The following SPG7 variants were observed in gnomAD, a reference collection of about 807,000 sequenced individuals.
SPG7 encodes the protein mitochondrial inner membrane m-AAA protease component paraplegin.
Under a neutral mutation model 81.9 loss-of-function variants are expected in SPG7, and 103 were observed. The observed-to-expected ratio is 1.26, with a 90% CI of 1.07 to 1.48. The LOEUF (loss-of-function observed/expected upper bound fraction) is 1.48, where lower values mean the gene tolerates loss of function less well. SPG7 is among the 40% of genes most tolerant of loss of function. The pLI is 0.00. For synonymous variants in SPG7, 534 were observed against 444.2 expected (o/e 1.20, Z -2.54); for missense variants, 1,241 against 1,087.3 (o/e 1.14, Z -1.99).
chr16:89,553,154 G>T lies in SPG7; in HGVS notation c.1936+19G>T. ...ACTTCTGGTGAGGAGCAGCGGCGCG[G>T]GCCCTGGAGGTTTCAGAGCGCTTTT... On this transcript the variant is annotated intron_variant, in intron 14 of 16. Coordinates refer to ENST00000645818, the MANE Select transcript of SPG7 (RefSeq NM_003119.4). 6.3e-7 allele frequency: 1 copy of T among 1,581,502 alleles called. No homozygotes were observed. The highest frequency in any genetic ancestry group is 8.6e-7 in the Non-Finnish European group (1 of 1,163,778).
At chr16:89,527,692 C>G (rs140580708) in intron 5 of SPG7, among the ~76,000 whole-genome samples, 2,154 of 152,236 alleles carry the variant, frequency 0.014, 22 homozygotes, top group Non-Finnish European at 0.024. Flanking sequence ...CTGACAGGTT[C>G]CTTAGTAGGA....
intron 7 of SPG7, chr16:89,531,668 C>T: frequency 1.8e-6 from 1 of 552,566 alleles, no homozygotes; most frequent in South Asian, 2.0e-5. Context: ...GCCACCGCAC[C>T]TGGCCTGCAA....
intron 10 of SPG7, chr16:89,546,181 G>A: frequency 3.3e-6 from 1 of 300,430 alleles, no homozygotes; most frequent in South Asian, 2.9e-5. Context: ...CCATCTCCCA[G>A]GTTCAAGTGA....
At chr16:89,547,699 G>T in intron 11 of SPG7, 1 of 385,822 alleles carries the variant, frequency 2.6e-6, no homozygotes, top group Admixed American at 3.8e-5. Flanking sequence ...CGCAGCCTCC[G>T]CCTCCTGGGT....
intron 12 of SPG7, 106 bp from the exon 13 acceptor site, chr16:89,550,388 G>T (rs529540708): frequency 1.6e-5 from 13 of 799,688 alleles, no homozygotes; most frequent in South Asian, 1.6e-4. Flanking sequence ...GGTCGGGCTG[G>T]TCTCGAACTC....
chr16:89,513,137 G>C (rs1380970128), intron 3 of SPG7, 100 bp downstream of exon 3: 1 of 1,509,092 alleles, frequency 6.6e-7, no homozygotes, highest in Non-Finnish European at 8.9e-7. Flanking sequence ...AAAATGGGGA[G>C]ATGGGCCGGG....
intron 9 of SPG7, chr16:89,544,432 A>C (rs2152409024): frequency 1.8e-6 from 1 of 560,794 alleles, no homozygotes; most frequent in Non-Finnish European, 3.3e-6. Context: ...TGCTGTTTGC[A>C]CTTGTCAAAA....
intron 9 of SPG7, chr16:89,539,827 A>G (rs1053332418): frequency 2.0e-5 from 3 of 152,062 alleles, no homozygotes; most frequent in African/African-American, 7.2e-5. Context: ...TTTTCACCTC[A>G]GCTCCTCAAA....
chr16:89,535,091 C>G (rs1213584828), intron 9 of SPG7, among the ~76,000 whole-genome samples: 2 of 152,192 alleles, frequency 1.3e-5, no homozygotes, highest in Non-Finnish European at 2.9e-5. Context: ...GGAATGTCAT[C>G]TCTGGAACTG....
chr16:89,516,421 C>T lies in SPG7; in HGVS notation c.376+3384C>T, dbSNP rs377079522. 2.9e-4 allele frequency among the ~76,000 whole-genome samples: 44 copies of T among 151,662 alleles called. 1 individual carries two copies. In the South Asian group the frequency reaches 8.8e-3, roughly 30 times the overall value. ...AAAAAAATTAGCCAGGTGTGGTGTA[C>T]GTGCTTGTAATCCCAGCTACTCCGG... On this transcript the variant is annotated intron_variant, in intron 3 of 16. Coordinates refer to ENST00000645818, the MANE Select transcript of SPG7 (RefSeq NM_003119.4).
intron 3 of SPG7, chr16:89,518,464 G>A (rs1320876948): frequency 6.6e-6 from 1 of 152,080 alleles, no homozygotes; most frequent in Non-Finnish European, 1.5e-5. Context: ...TAACGCGGGT[G>A]AACCTGGAAG....
rs560864909 is a variant in SPG7 at position 89,530,967 on chromosome 16, C to A, written c.987+159C>A. ...TGGGGACACCAAGCAGGTGCTGGTG[C>A]CTGTTCAACCAGCAGCACAAGCCTC... On this transcript the variant is annotated intron_variant, in intron 7 of 16. Transcript: ENST00000645818. The A allele has an allele frequency of 2.1e-5, 19 of 913,352 alleles. No homozygotes were observed. In the South Asian group the frequency reaches 2.5e-4, roughly 12 times the overall value. The allele number at this position is 913,352 out of a possible 1,614,324, so 56.6% of individuals were successfully genotyped here.
At chr16:89,548,236 T>C (rs2058590395) in intron 12 of SPG7, 123 bp downstream of exon 12, 1 of 711,444 alleles carries the variant, frequency 1.4e-6, no homozygotes. Flanking sequence ...ACACGTTGCG[T>C]TTCAGTTCTG....
chr16:89,508,647 C>A, intron 1 of SPG7, 47 bp downstream of exon 1: 1 of 1,428,420 alleles, frequency 7.0e-7, no homozygotes, highest in South Asian at 1.5e-5. Context: ...CGGCTCTGCT[C>A]TGTAAGGCCC....
intron 15 of SPG7, 69 bp downstream of exon 15, chr16:89,554,029 C>T (rs1370520171): frequency 6.4e-7 from 1 of 1,561,778 alleles, no homozygotes; most frequent in South Asian, 1.1e-5. Flanking sequence ...GTCTACCACA[C>T]AAGGGTCGCC....
At chr16:89,519,991 A>T (rs1341859925) in intron 3 of SPG7, 2 of 152,256 alleles carry the variant, frequency 1.3e-5, no homozygotes, top group Non-Finnish European at 2.9e-5. Context: ...GATTTTGGCA[A>T]CAAAACTTGC....
intron 2 of SPG7, among the ~76,000 whole-genome samples, chr16:89,511,876 G>A (rs1034759232): frequency 6.6e-6 from 1 of 151,806 alleles, no homozygotes; most frequent in African/African-American, 2.4e-5. Context: ...GTGTCACCAC[G>A]TACAGCTACA....
Position 89,549,493 on chromosome 16 carries a change from T to C in SPG7, c.1664-1001T>C, listed in dbSNP as rs550381121. On this transcript the variant is annotated intron_variant, in intron 12 of 16. Coordinates refer to ENST00000645818, the MANE Select transcript of SPG7 (RefSeq NM_003119.4). Reference sequence around the variant, plus strand: ...GGGCAATACAGCAAGACCCCATCTCTTAAAAGAAAAGAATAAAGAGTATTA... The same window carrying C: ...GGGCAATACAGCAAGACCCCATCTCCTAAAAGAAAAGAATAAAGAGTATTA... 5.1e-4 allele frequency: 174 copies of C among 341,728 alleles called. 1 individual carries two copies. Among genetic ancestry groups the C allele is most frequent in the Admixed American group, 1.1e-3 (26 of 23,758 alleles). The allele number at this position is 341,728 out of a possible 1,614,324, so 21.2% of individuals were successfully genotyped here. A position where few individuals can be genotyped will look rare whatever the true frequency, so the allele number is the denominator to read the frequency against.
intron 12 of SPG7, chr16:89,548,776 A>G (rs1056024892): frequency 1.4e-5 from 5 of 363,186 alleles, no homozygotes; most frequent in African/African-American, 8.5e-5. Context: ...TATGATGGCA[A>G]CACCCAGACG....
Sources: allele counts gnomAD v4.1 joint callset (sites outside exome capture counted in the v4.1 genomes callset), GRCh38; gene constraint gnomAD v4.1.1; transcripts MANE v1.5; gene names NCBI Gene and HGNC (gene_info 2026-07-23, HGNC 2026-07-21).